The following DNHD1 variants were observed in gnomAD, a reference collection of about 807,000 sequenced individuals.
The protein encoded by DNHD1 is dynein heavy chain domain-containing protein 1.
DNHD1 carries 383 observed loss-of-function variants against 458.1 expected under a neutral mutation model. The ratio of observed to expected loss-of-function variants is 0.84; its 90% CI spans 0.77 to 0.91. DNHD1 has a LOEUF of 0.91. DNHD1 is among the 40% of genes least tolerant of loss of function. The pLI is 0.00. For missense variants in DNHD1, 5,336 were observed against 5,866.1 expected, an observed-to-expected ratio of 0.91 and a Z score of 2.95; for synonymous variants, 2,203 against 2,376.9, an observed-to-expected ratio of 0.93 and a Z score of 2.13.
intron 24 of DNHD1, among the ~76,000 whole-genome samples, chr11:6,551,666 G>T (rs1853346148): frequency 6.6e-6 from 1 of 152,262 alleles, no homozygotes; most frequent in African/African-American, 2.4e-5. Context: ...GCCAGGGCCG[G>T]GCACTGTGGC....
intron 7 of DNHD1, among the ~76,000 whole-genome samples, chr11:6,517,240 AAATT>A (rs1564999011): frequency 6.6e-6 from 1 of 152,366 alleles, no homozygotes; most frequent in South Asian, 2.1e-4. Flanking sequence ...TACCACAGTC[AAATT>A]AATTAACACA....
intron 39 of DNHD1, 84 bp from the exon 40 acceptor site, chr11:6,569,924 GA>G: frequency 8.6e-7 from 1 of 1,156,186 alleles, no homozygotes; most frequent in Non-Finnish European, 1.3e-6. Context: ...AAGCTCAGGA[GA>G]GAGGTTTGAA....
Position 6,544,855 on chromosome 11 carries a change from C to T in DNHD1, c.3916C>T (p.Pro1306Ser), listed in dbSNP as rs1459319328. 1 of 1,551,666 alleles carries T rather than the reference C, an allele frequency of 6.4e-7. No individual in the cohort carries two copies. The highest frequency in any genetic ancestry group is 2.4e-5 in the East Asian group (1 of 40,914). Residue 1306 changes from proline (P) to serine (S), a missense_variant, in exon 21 of 43, where the codon CCC becomes TCC. Physicochemically the swap from Pro to Ser is moderately conservative, Grantham distance 74 (BLOSUM62 -1). Coordinates refer to ENST00000254579, the MANE Select transcript of DNHD1 (RefSeq NM_144666.3). ...CCTGATGCGCATCTCTGTAGCTGAC[C>T]CCATGGTTCTGTCACTTGTAGTGCC... ...RTLMRISVAD[P>S]MVLSLVVPSA...
chr11:6,558,859 C>G, intron 26 of DNHD1, 43 bp from the exon 27 acceptor site: 1 of 1,546,308 alleles, frequency 6.5e-7, no homozygotes, highest in Non-Finnish European at 8.8e-7. Context: ...TTCCTGTTTT[C>G]CTACAAGCTC....
chr11:6,566,233 T>G lies in DNHD1; in HGVS notation c.11054-8T>G. 8 of 1,550,748 alleles carry G rather than the reference T, an allele frequency of 5.2e-6. No homozygotes were observed. The highest frequency in any genetic ancestry group is 2.7e-5 in the African/African-American group (2 of 73,158). On this transcript the variant is annotated splice_region_variant and splice_polypyrimidine_tract_variant and intron_variant, in intron 33 of 42. Coordinates refer to ENST00000254579, the MANE Select transcript of DNHD1 (RefSeq NM_144666.3). ...TGTGGGTAGGGTGCCTTTGCCTCCC[T>G]CTCACAGGCCTGCCTGTGTTACTGA...
rs1564996707 is a variant in DNHD1 at position 6,511,370 on chromosome 11, C to T, written c.1333C>T (p.His445Tyr). 6.2e-7 allele frequency: 1 copy of T among 1,614,230 alleles called. No individual in the cohort carries two copies. Among genetic ancestry groups the T allele is most frequent in the East Asian group, 2.2e-5 (1 of 44,876 alleles). Residue 445 changes from histidine to tyrosine, a missense_variant, in exon 7 of 43, where the codon CAT becomes TAT. Physicochemically the swap from His to Tyr is moderately conservative, Grantham distance 83 (BLOSUM62 2). This residue lies in a region of DNHD1 where 3,932 missense variants were observed against 4,365.6 expected (regional missense o/e 0.90). Coordinates refer to ENST00000254579, the MANE Select transcript of DNHD1 (RefSeq NM_144666.3). ...GCAGACGGCTCTAGCCGAGGAGAAG[C>T]ATAAGGCTCTACGGCTGCTCCATCG... Reference protein sequence around the residue: ...DLQTALAEEKHKALRLLHRCL... With the variant: ...DLQTALAEEKYKALRLLHRCL...
rs765030953 is a variant in DNHD1, at chr11:6,568,433, C to T, written c.12539-21C>T. On this transcript the variant is annotated intron_variant, in intron 37 of 42. Coordinates refer to ENST00000254579, the MANE Select transcript of DNHD1 (RefSeq NM_144666.3). ...TGACCCTTTATCCAAGGACTGATCT[C>T]AGACCCTTGTCTGACTCTAGTGGTT... 5 of 1,612,076 alleles carry T rather than the reference C, an allele frequency of 3.1e-6. No individual in the cohort carries two copies. In the Admixed American group the frequency reaches 8.3e-5, roughly 27 times the overall value.
chr11:6,562,609 G>A (rs966782204), intron 28 of DNHD1, among the ~76,000 whole-genome samples: 4 of 152,144 alleles, frequency 2.6e-5, no homozygotes, highest in Non-Finnish European at 5.9e-5. Context: ...GAAAGCCCAA[G>A]GAGAACACAG....
chr11:6,510,797 T>C (rs899136789), intron 6 of DNHD1, among the ~76,000 whole-genome samples: 2 of 152,218 alleles, frequency 1.3e-5, no homozygotes, highest in Admixed American at 1.3e-4. Flanking sequence ...TTTACAGTTG[T>C]GGAGTTCTCT....
chr11:6,526,630 G>T (rs1007760880), intron 10 of DNHD1, among the ~76,000 whole-genome samples: 1 of 151,978 alleles, frequency 6.6e-6, no homozygotes, highest in Admixed American at 6.6e-5. Context: ...CTTACTTTCT[G>T]AGGTTTTCTG....
rs1402594123 is a variant in DNHD1, at chr11:6,563,878, G to A, written c.10038G>A (p.Thr3346=). 9.0e-6 allele frequency: 14 copies of A among 1,551,596 alleles called. No individual in the cohort carries two copies. The highest frequency in any genetic ancestry group is 3.6e-5 in the South Asian group (3 of 84,070). The change falls in exon 31 of 43, where the codon ACG becomes ACA. Residue 3346 remains threonine, a synonymous_variant. Coordinates refer to ENST00000254579, the MANE Select transcript of DNHD1 (RefSeq NM_144666.3). ...TGGCGCATTGCCGGGGACTGCCCAC[G>A]GACCTGCTGCTGCAGCAAGTGGAGG... is the stretch of plus-strand genomic sequence containing the variant. ...YGLAHCRGLP[T]DLLLQQVEAT...
At chr11:6,521,211 T>A (rs1325139576) in intron 10 of DNHD1, among the ~76,000 whole-genome samples, 8 of 152,258 alleles carry the variant, frequency 5.3e-5, no homozygotes, top group Admixed American at 5.2e-4. Flanking sequence ...AGATAATATG[T>A]CTAGTATGGT....
intron 10 of DNHD1, 118 bp from the exon 11 acceptor site, chr11:6,528,404 G>GTGTGTGTGTGT: frequency 4.5e-6 from 4 of 880,196 alleles, no homozygotes; most frequent in African/African-American, 3.5e-5. Context: ...GCAGCGAATG[G>GTGTGTGTGTGT]GTGTGTGTGT....
In DNHD1 at chr11:6,556,842, C is replaced by T. The variant is rs746491491; in HGVS notation, c.7547C>T (p.Pro2516Leu). ...GGATACTGTGAGCGCCCACTGTGTCCACGCCTCTTTCGACTCTTCACAGTC... is the reference window on the plus strand; with the variant it reads ...GGATACTGTGAGCGCCCACTGTGTCTACGCCTCTTTCGACTCTTCACAGTC... ...VPGYCERPLC[P>L]RLFRLFTVLA... The change falls in exon 25 of 43, where the codon CCA (proline) becomes CTA (leucine). Residue 2516 changes from proline to leucine, a missense_variant. Pro to Leu is a moderately conservative substitution (Grantham distance 98). Around this residue, in one of 4 missense-constraint regions of DNHD1, gnomAD observed 3,932 missense variants for 4,365.6 expected, o/e 0.90. Coordinates refer to ENST00000254579, the MANE Select transcript of DNHD1 (RefSeq NM_144666.3). 6.6e-5 allele frequency: 103 copies of T among 1,551,642 alleles called. No individual in the cohort carries two copies. The Middle Eastern group carries it at 8.3e-4, about 13-fold the overall frequency.
chr11:6,545,203 C>T lies in DNHD1; in HGVS notation c.4264C>T (p.Leu1422Phe). ...AAACACACAGACTCAGGTGGAGGCA[C>T]TTGCAGTGCTAGGGGCAGGTGGGGA... ...SPNTQTQVEA[L>F]AVLGAGGEEV... The change falls in exon 21 of 43, where the codon CTT becomes TTT. Residue 1422 changes from leucine to phenylalanine, a missense_variant. Around this residue, in one of 4 missense-constraint regions of DNHD1, gnomAD observed 3,932 missense variants for 4,365.6 expected, o/e 0.90. Coordinates refer to ENST00000254579, the MANE Select transcript of DNHD1 (RefSeq NM_144666.3). The surrounding 1 kb of genome is among the most constrained non-coding windows in gnomAD (Gnocchi z 4.9). 1 of 1,551,948 alleles carries T rather than the reference C, an allele frequency of 6.4e-7. No individual in the cohort carries two copies. Among genetic ancestry groups the T allele is most frequent in the South Asian group, 1.2e-5 (1 of 84,064 alleles).
At chr11:6,529,996 A>C (rs566040474) in intron 12 of DNHD1, among the ~76,000 whole-genome samples, 5 of 152,162 alleles carry the variant, frequency 3.3e-5, no homozygotes, top group Non-Finnish European at 5.9e-5. Context: ...CAACACAGGA[A>C]CTTCATCTAG....
chr11:6,539,134 G>C, intron 16 of DNHD1, 85 bp from the exon 17 acceptor site: 3 of 945,714 alleles, frequency 3.2e-6, no homozygotes, highest in Non-Finnish European at 4.9e-6. Flanking sequence ...GCTGGGCTGG[G>C]CTGGGCTGGG....
Position 6,546,498 on chromosome 11 carries a change from C to A in DNHD1, c.5559C>A (p.Thr1853=), listed in dbSNP as rs977698479. ...AGMRDAFQMA[T]RLSKFFSLER... is the part of the protein sequence containing the mutation. Reference sequence around the variant, plus strand: ...TGAGGGATGCCTTCCAGATGGCTACCCGCCTATCCAAATTCTTCTCTCTAG... The same window carrying A: ...TGAGGGATGCCTTCCAGATGGCTACACGCCTATCCAAATTCTTCTCTCTAG... Residue 1853 remains threonine, a synonymous_variant, in exon 21 of 43, where the codon ACC becomes ACA. Coordinates refer to ENST00000254579, the MANE Select transcript of DNHD1 (RefSeq NM_144666.3). 5 of 1,550,778 alleles carry A rather than the reference C, an allele frequency of 3.2e-6. No homozygotes were observed. The African/African-American group carries it at 4.1e-5, about 13-fold the overall frequency.
At position 6,571,535 on chromosome 11, in the gene DNHD1, C is replaced by T. The variant is rs968693505; in HGVS notation, c.13912-101C>T. 2.1e-6 allele frequency: 3 copies of T among 1,455,818 alleles called. No homozygotes were observed. Among genetic ancestry groups the T allele is most frequent in the Non-Finnish European group, 1.8e-6 (2 of 1,092,570 alleles). The allele number at this position is 1,455,818 out of a possible 1,614,324, so 90.2% of individuals were successfully genotyped here. On this transcript the variant is annotated intron_variant, in intron 42 of 42. Transcript: ENST00000254579. The surrounding 1 kb of genome is among the most constrained non-coding windows in gnomAD (Gnocchi z 5.0). ...GCCCCCGGTAACCCTGCTAGCTTCT[C>T]CGATCTCGCTTCACCACGACCTCCT...
Sources: allele counts gnomAD v4.1 joint callset (sites outside exome capture counted in the v4.1 genomes callset), GRCh38; gene constraint gnomAD v4.1.1; regional missense constraint gnomAD v4.1.1; non-coding constraint Gnocchi (gnomAD v3.1); transcripts MANE v1.5; gene names NCBI Gene and HGNC (gene_info 2026-07-23, HGNC 2026-07-21).